The following SLC12A6 variants were observed in gnomAD, a reference collection of about 807,000 sequenced individuals.
The protein encoded by SLC12A6 is K-Cl cotransporter 3.
Under a neutral mutation model 135.3 loss-of-function variants are expected in SLC12A6, and 66 were observed. The observed-to-expected ratio is 0.49, with a 90% CI of 0.40 to 0.60. The LOEUF (loss-of-function observed/expected upper bound fraction) is 0.60, where lower values mean the gene tolerates loss of function less well. Among genes scored for constraint, SLC12A6 ranks in the 20% least tolerant of loss-of-function variants. The pLI is 0.00. For missense variants in SLC12A6, 1,058 were observed against 1,452.3 expected, an observed-to-expected ratio of 0.73 and a Z score of 4.41; for synonymous variants, 513 against 508.8, an observed-to-expected ratio of 1.01 and a Z score of -0.11.
At chr15:34,261,081 C>T (rs1231151458) in intron 3 of SLC12A6, 61 bp from the exon 4 acceptor site, 1 of 872,426 alleles carries the variant, frequency 1.1e-6, no homozygotes, top group Non-Finnish European at 2.0e-6. Context: ...GAAACATCAG[C>T]ACCAGATAAG....
At chr15:34,271,501 C>T (rs1005745377) in intron 3 of SLC12A6, among the ~76,000 whole-genome samples, 3 of 151,710 alleles carry the variant, frequency 2.0e-5, no homozygotes, top group Non-Finnish European at 1.5e-5. Flanking sequence ...GCAGAAGACT[C>T]GAATTATTTT....
chr15:34,275,386 A>G lies in SLC12A6; in HGVS notation c.275T>C (p.Leu92Pro), dbSNP rs777031851. The G allele has an allele frequency of 2.0e-6, 3 of 1,509,084 alleles. No individual in the cohort carries two copies. The highest frequency in any genetic ancestry group is 3.3e-5 in the Admixed American group (2 of 59,786). 93.5% of individuals were successfully genotyped at this position (1,509,084 alleles called of 1,614,324 possible). ...TTCCCCTGTGATGGAGTTCTGACTC[A>G]GGTCTGAAAAACAAACAATTGAAAA... ...TSHPQDVIED[L>P]SQNSITGEHS... Residue 92 changes from leucine (L) to proline (P), a missense_variant, in exon 3 of 26, where the codon CTG becomes CCG. By Grantham distance (98) the Leu-to-Pro change is moderately conservative (BLOSUM62 -3). Transcript: ENST00000354181.
At chr15:34,270,571 G>A (rs1210435360) in intron 3 of SLC12A6, among the ~76,000 whole-genome samples, 1 of 152,116 alleles carries the variant, frequency 6.6e-6, no homozygotes, top group African/African-American at 2.4e-5. Context: ...GGGAGGACGA[G>A]ACAGGCGGAT....
intron 2 of SLC12A6, among the ~76,000 whole-genome samples, chr15:34,310,909 C>T (rs533768788): frequency 3.6e-4 from 55 of 152,002 alleles, no homozygotes; most frequent in African/African-American, 1.3e-3. Context: ...TATGAGCCAC[C>T]AAGCCCAGCC....
intron 3 of SLC12A6, among the ~76,000 whole-genome samples, chr15:34,272,140 A>G (rs923960464): frequency 6.6e-5 from 10 of 151,890 alleles, no homozygotes; most frequent in African/African-American, 9.7e-5. Flanking sequence ...ATGCCCGGCC[A>G]ATTTTTTTTA....
At chr15:34,304,751 C>CTTA (rs1225386239) in intron 2 of SLC12A6, among the ~76,000 whole-genome samples, 2 of 152,208 alleles carry the variant, frequency 1.3e-5, no homozygotes, top group Non-Finnish European at 2.9e-5. Context: ...CCCTGACTTA[C>CTTA]TTATCACATT....
intron 13 of SLC12A6, 24 bp downstream of exon 13, chr15:34,250,274 G>A: frequency 1.5e-6 from 2 of 1,307,990 alleles, no homozygotes; most frequent in South Asian, 1.2e-5. Flanking sequence ...ACACATAATT[G>A]TTACAAAGAA....
chr15:34,258,213 A>AG (rs1170242765), intron 5 of SLC12A6, among the ~76,000 whole-genome samples: 1 of 152,214 alleles, frequency 6.6e-6, no homozygotes, highest in East Asian at 1.9e-4. Context: ...TGAAGATCTG[A>AG]GGGCCGTTTT....
chr15:34,304,254 GTTTT>G (rs953320885), intron 2 of SLC12A6, among the ~76,000 whole-genome samples: 1 of 151,832 alleles, frequency 6.6e-6, no homozygotes, highest in African/African-American at 2.4e-5. Flanking sequence ...TCAGTACTTT[GTTTT>G]TATTGCCAAA....
At chr15:34,289,209 T>G (rs1343830482) in intron 2 of SLC12A6, among the ~76,000 whole-genome samples, 1 of 152,230 alleles carries the variant, frequency 6.6e-6, no homozygotes, top group Non-Finnish European at 1.5e-5. Context: ...TGTTGAATTT[T>G]GTTGAAGGCC....
chr15:34,294,770 G>A (rs912400222), intron 2 of SLC12A6, among the ~76,000 whole-genome samples: 4 of 151,818 alleles, frequency 2.6e-5, no homozygotes, highest in African/African-American at 9.7e-5. Flanking sequence ...CACCCAGGCT[G>A]GTCTCTAACT....
chr15:34,318,286 T>C (rs905223980), intron 2 of SLC12A6, among the ~76,000 whole-genome samples: 2 of 152,254 alleles, frequency 1.3e-5, no homozygotes, highest in African/African-American at 4.8e-5. Context: ...TTCTGTGTCT[T>C]TCTTTTTGCT....
chr15:34,333,851 T>A (rs11630311), intron 2 of SLC12A6, among the ~76,000 whole-genome samples: 19,611 of 151,920 alleles, frequency 0.13, 1,428 homozygotes, highest in South Asian at 0.2. Context: ...TGGGTGTATC[T>A]CCTGAGGTCA....
At chr15:34,323,288 G>A (rs1266435438) in intron 2 of SLC12A6, among the ~76,000 whole-genome samples, 1 of 152,102 alleles carries the variant, frequency 6.6e-6, no homozygotes, top group Admixed American at 6.6e-5. Context: ...TCAGGGAAAT[G>A]CAAATTAAAA....
intron 3 of SLC12A6, among the ~76,000 whole-genome samples, chr15:34,261,609 T>G (rs990091250): frequency 4.6e-5 from 7 of 152,220 alleles, no homozygotes; most frequent in African/African-American, 1.7e-4. Flanking sequence ...GAGACTCTAC[T>G]CTTAAAGTCA....
chr15:34,269,258 G>C (rs1299380644), intron 3 of SLC12A6, among the ~76,000 whole-genome samples: 1 of 151,830 alleles, frequency 6.6e-6, no homozygotes, highest in African/African-American at 2.4e-5. Flanking sequence ...AAAACTGATA[G>C]GATAATTCTA....
intron 2 of SLC12A6, among the ~76,000 whole-genome samples, chr15:34,289,338 G>T (rs376947957): frequency 6.6e-6 from 1 of 152,112 alleles, no homozygotes; most frequent in Non-Finnish European, 1.5e-5. Flanking sequence ...CGAAGCCCAC[G>T]TGCTCATGGT....
At chr15:34,333,716 A>G (rs182910591) in intron 2 of SLC12A6, among the ~76,000 whole-genome samples, 123 of 152,336 alleles carry the variant, frequency 8.1e-4, no homozygotes, top group Non-Finnish European at 1.4e-3. Context: ...GATAGCAGAA[A>G]GAAAACTACT....
In SLC12A6 at chr15:34,305,506, G is replaced by A. The variant is rs181880720; in HGVS notation, c.272-30117C>T. Among the ~76,000 whole-genome samples, 101 of 150,666 alleles carry A rather than the reference G, an allele frequency of 6.7e-4. 1 individual carries two copies. Among genetic ancestry groups the A allele is most frequent in the Middle Eastern group, 3.4e-3 (1 of 294 alleles). ...TTTATTCAATAATTATGTTTCGGGC[G>A]CCTACTATGTGTAAGACAGTGTTCT... On this transcript the variant is annotated intron_variant, in intron 2 of 25. Coordinates refer to ENST00000354181, the MANE Select transcript of SLC12A6 (RefSeq NM_001365088.1).
Sources: allele counts gnomAD v4.1 joint callset (sites outside exome capture counted in the v4.1 genomes callset), GRCh38; gene constraint gnomAD v4.1.1; transcripts MANE v1.5; gene names NCBI Gene and HGNC (gene_info 2026-07-23, HGNC 2026-07-21).